Variants in MEF2A observed in about 807,000 individuals in gnomAD.
MEF2A encodes the protein myocyte enhancer factor 2A, also known as myocyte-specific enhancer factor 2A.
MEF2A carries 28 observed loss-of-function variants against 55.8 expected under a neutral mutation model. The observed-to-expected ratio is 0.50, with a 90% CI of 0.37 to 0.69. MEF2A has a LOEUF of 0.69. MEF2A is among the 30% of genes least tolerant of loss of function. The pLI, the probability that MEF2A is intolerant of heterozygous loss-of-function variation, is 0.00. For missense variants in MEF2A, 528 were observed against 626.2 expected (o/e 0.84, Z 1.67); for synonymous variants, 239 against 227.1 (o/e 1.05, Z -0.47).
intron 7 of MEF2A, among the ~76,000 whole-genome samples, chr15:99,689,529 G>A (rs2054950326): frequency 6.6e-6 from 1 of 152,190 alleles, no homozygotes; most frequent in Admixed American, 6.5e-5. Context: ...CACCCACGCT[G>A]TAGTGCAGGG....
intron 4 of MEF2A, among the ~76,000 whole-genome samples, chr15:99,654,192 A>C (rs920293050): frequency 1.3e-5 from 2 of 152,154 alleles, no homozygotes; most frequent in Admixed American, 1.3e-4. Context: ...AATGTTTTAG[A>C]TATTTTGTGA....
intron 2 of MEF2A, among the ~76,000 whole-genome samples, chr15:99,617,887 A>G (rs1169997946): frequency 6.6e-6 from 1 of 152,150 alleles, no homozygotes; most frequent in African/African-American, 2.4e-5. Flanking sequence ...TTTCTGTTTC[A>G]TCTTTTATTC....
Position 99,716,087 on chromosome 15 carries a change from A to G in MEF2A, c.*3316A>G, listed in dbSNP as rs1415932713. The G allele has an allele frequency of 6.4e-6, 1 of 157,424 alleles. No individual in the cohort carries two copies. The highest frequency in any genetic ancestry group is 6.2e-5 in the Admixed American group (1 of 16,168). The allele number at this position is 157,424 out of a possible 1,614,324, so 9.8% of individuals were successfully genotyped here. A position where few individuals can be genotyped will look rare whatever the true frequency, so the allele number is the denominator to read the frequency against. ...TCTTAAGCTAGATGATTAGAATGTG[A>G]AAAAGATTTTACAAATGTAAAACTT... is the stretch of plus-strand genomic sequence containing the variant. On this transcript the variant is annotated 3_prime_UTR_variant, in exon 12 of 12. Transcript: ENST00000557942.
At chr15:99,711,513 C>T (rs1381616844) in intron 11 of MEF2A, among the ~76,000 whole-genome samples, 2 of 152,174 alleles carry the variant, frequency 1.3e-5, no homozygotes, top group African/African-American at 4.8e-5. Context: ...ACCCATGGAG[C>T]AGTTGGAGGA....
At position 99,618,900 on chromosome 15, in the gene MEF2A, C is replaced by T. The variant is rs2040662687; in HGVS notation, c.-142-14078C>T. Among the ~76,000 whole-genome samples, 3 of 152,208 alleles carry T rather than the reference C, an allele frequency of 2.0e-5. No homozygotes were observed. The South Asian group carries it at 6.2e-4, about 32-fold the overall frequency. On this transcript the variant is annotated intron_variant, in intron 2 of 11. Coordinates refer to ENST00000557942, the MANE Select transcript of MEF2A (RefSeq NM_001319206.4). ...CTAAATGGTTGCAAATATGAGTATA[C>T]TTGCTAAAGACAAGCTTTATGTTTT...
chr15:99,620,534 C>T (rs935867812), intron 2 of MEF2A, among the ~76,000 whole-genome samples: 1 of 152,188 alleles, frequency 6.6e-6, no homozygotes, highest in African/African-American at 2.4e-5. Context: ...CTTTTTATGA[C>T]TGTGTAGTGT....
At chr15:99,606,573 A>C (rs184014731) in intron 2 of MEF2A, among the ~76,000 whole-genome samples, 1 of 152,316 alleles carries the variant, frequency 6.6e-6, no homozygotes, top group Admixed American at 6.5e-5. Context: ...GGCAAGAGAC[A>C]TGAAAAATAC....
chr15:99,584,458 A>C (rs1225435386), intron 1 of MEF2A, among the ~76,000 whole-genome samples: 3 of 152,220 alleles, frequency 2.0e-5, no homozygotes, highest in Non-Finnish European at 4.4e-5. Flanking sequence ...GAAAGAATAC[A>C]TAATAGGTTG....
chr15:99,648,943 A>G (rs1271078332), intron 4 of MEF2A, among the ~76,000 whole-genome samples: 1 of 152,130 alleles, frequency 6.6e-6, no homozygotes, highest in African/African-American at 2.4e-5. Flanking sequence ...TGGTATTTGA[A>G]TATTGTTGAT....
At chr15:99,683,343 A>G (rs1311462830) in intron 7 of MEF2A, among the ~76,000 whole-genome samples, 3 of 152,202 alleles carry the variant, frequency 2.0e-5, no homozygotes. Context: ...AACGTTTTGG[A>G]GGAAACAAGA....
At chr15:99,658,894 C>T (rs112253842) in intron 4 of MEF2A, among the ~76,000 whole-genome samples, 3,382 of 152,158 alleles carry the variant, frequency 0.022, 40 homozygotes, top group Non-Finnish European at 0.034. Flanking sequence ...CCAAGTCAGG[C>T]TGCCATGGTA....
chr15:99,689,150 G>A (rs1597170765), intron 7 of MEF2A, among the ~76,000 whole-genome samples: 1 of 152,166 alleles, frequency 6.6e-6, no homozygotes, highest in South Asian at 2.1e-4. Flanking sequence ...GAGATGGAAG[G>A]TTCTGTTAGG....
intron 1 of MEF2A, among the ~76,000 whole-genome samples, chr15:99,591,917 C>A (rs754694206): frequency 3.9e-5 from 6 of 152,104 alleles, no homozygotes; most frequent in Non-Finnish European, 7.4e-5. Context: ...CCTTTAAAGA[C>A]ACCCTGTCTT....
chr15:99,669,840 A>T (rs565602298), intron 4 of MEF2A, among the ~76,000 whole-genome samples: 2 of 152,358 alleles, frequency 1.3e-5, no homozygotes, highest in East Asian at 1.9e-4. Context: ...TCATATTTTA[A>T]AGGATACTAA....
At chr15:99,623,397 G>GT (rs1352387614) in intron 2 of MEF2A, among the ~76,000 whole-genome samples, 1 of 152,118 alleles carries the variant, frequency 6.6e-6, no homozygotes, top group Non-Finnish European at 1.5e-5. Context: ...CCTGCTTTAA[G>GT]TTTTTTTGAT....
At chr15:99,619,068 G>A (rs1177909126) in intron 2 of MEF2A, among the ~76,000 whole-genome samples, 1 of 152,226 alleles carries the variant, frequency 6.6e-6, no homozygotes, top group African/African-American at 2.4e-5. Context: ...ATTGAGGATG[G>A]AAGGGGGAAG....
At chr15:99,654,351 A>G (rs765897893) in intron 4 of MEF2A, among the ~76,000 whole-genome samples, 6 of 152,066 alleles carry the variant, frequency 3.9e-5, no homozygotes, top group Non-Finnish European at 7.4e-5. Context: ...ACTAAGCTCA[A>G]TGTTTAATAG....
chr15:99,628,963 ATTT>A (rs71149483), intron 2 of MEF2A, among the ~76,000 whole-genome samples: 5 of 133,760 alleles, frequency 3.7e-5, no homozygotes, highest in Admixed American at 2.2e-4. Flanking sequence ...TTTCAGAAGG[ATTT>A]TTTTTTTTTT....
At chr15:99,631,938 G>A (rs192854891) in intron 2 of MEF2A, among the ~76,000 whole-genome samples, 40 of 152,268 alleles carry the variant, frequency 2.6e-4, no homozygotes, top group African/African-American at 7.7e-4. Flanking sequence ...CACATGTACA[G>A]TATTGAAAAT....
Sources: gnomAD v4.1 joint callset for allele counts (sites outside exome capture counted in the v4.1 genomes callset) on GRCh38, gnomAD v4.1.1 for gene constraint, MANE v1.5 for transcripts, NCBI Gene and HGNC (gene_info 2026-07-23, HGNC 2026-07-21) for gene names.